SH3PXD2B: variants seen among roughly 807,000 people sequenced by gnomAD.
The protein encoded by SH3PXD2B is SH3 and PX domain-containing protein 2B.
Under a neutral mutation model 73.1 loss-of-function variants are expected in SH3PXD2B, and 37 were observed. That is an observed-to-expected ratio of 0.51 (90% CI 0.39 to 0.67). SH3PXD2B has a LOEUF of 0.67. Ranked by LOEUF, SH3PXD2B falls within the 30% of genes least tolerant of loss-of-function variation. SH3PXD2B has a pLI of 0.00. For synonymous variants in SH3PXD2B, 457 were observed against 480.5 expected, an observed-to-expected ratio of 0.95 and a Z score of 0.64; for missense variants, 1,053 against 1,197.8, an observed-to-expected ratio of 0.88 and a Z score of 1.78.
At chr5:172,365,977 G>GT (rs1319837377) in intron 6 of SH3PXD2B, among the ~76,000 whole-genome samples, 1 of 152,184 alleles carries the variant, frequency 6.6e-6, no homozygotes, top group African/African-American at 2.4e-5. Context: ...GCTGGACCAG[G>GT]TAAGTGTGTT....
chr5:172,341,499 T>C (rs1756848654), intron 12 of SH3PXD2B, among the ~76,000 whole-genome samples: 1 of 152,300 alleles, frequency 6.6e-6, no homozygotes, highest in Non-Finnish European at 1.5e-5. Flanking sequence ...CTATGTGATG[T>C]GCCTACTCCT....
At chr5:172,412,828 C>A (rs1018661278) in intron 2 of SH3PXD2B, among the ~76,000 whole-genome samples, 3 of 152,130 alleles carry the variant, frequency 2.0e-5, no homozygotes, top group Non-Finnish European at 4.4e-5. Flanking sequence ...CCCCAGATAA[C>A]AAAAGAAGTG....
chr5:172,418,487 G>A (rs1232660129), intron 2 of SH3PXD2B, among the ~76,000 whole-genome samples: 1 of 152,146 alleles, frequency 6.6e-6, no homozygotes, highest in East Asian at 1.9e-4. Context: ...CTCTCCCCAC[G>A]CTGTTTGGGC....
At position 172,390,858 on chromosome 5, in the gene SH3PXD2B, T is replaced by TGTGA. The variant is rs1367428801; in HGVS notation, c.309+3701_309+3704dup. 6.6e-5 allele frequency among the ~76,000 whole-genome samples: 9 copies of TGTGA among 137,180 alleles called. No individual in the cohort carries two copies. In the East Asian group the frequency reaches 1.8e-3, roughly 28 times the overall value. The allele number at this position is 137,180 out of a possible 152,430, so 90.0% of individuals were successfully genotyped here. On this transcript the variant is annotated intron_variant, in intron 4 of 12. Coordinates refer to ENST00000311601, the MANE Select transcript of SH3PXD2B (RefSeq NM_001017995.3). ...GTGTGTGTGTGTGTGTGTGTGTGTG[T>TGTGA]GTGACAGAGTTTTGCCCTTGTTGCC...
intron 5 of SH3PXD2B, among the ~76,000 whole-genome samples, chr5:172,376,381 A>G (rs999321953): frequency 4.6e-5 from 7 of 152,064 alleles, no homozygotes; most frequent in Non-Finnish European, 8.8e-5. Flanking sequence ...GGATCTAATG[A>G]TATTTCACTG....
At chr5:172,327,951 C>A (rs1561883771) in intron 12 of SH3PXD2B, among the ~76,000 whole-genome samples, 1 of 152,020 alleles carries the variant, frequency 6.6e-6, no homozygotes, top group Non-Finnish European at 1.5e-5. Flanking sequence ...GATGGGGTTT[C>A]ACCATGTTGG....
At position 172,378,792 on chromosome 5, in the gene SH3PXD2B, C is replaced by A. The variant is rs530049852; in HGVS notation, c.401+3244G>T. Among the ~76,000 whole-genome samples the A allele has an allele frequency of 8.5e-5, 13 of 152,226 alleles. No homozygotes were observed. In the East Asian group the frequency reaches 2.5e-3, roughly 29 times the overall value. ...CAGCTTGAAAGTGGCTCCTATAGGC[C>A]GGGCATGGTGGCTCATGCCTGTAAT... On this transcript the variant is annotated intron_variant, in intron 5 of 12. Transcript: ENST00000311601.
chr5:172,446,836 T>C (rs1241167480), intron 1 of SH3PXD2B, among the ~76,000 whole-genome samples: 1 of 152,240 alleles, frequency 6.6e-6, no homozygotes, highest in African/African-American at 2.4e-5. Flanking sequence ...GGGCCTGGAC[T>C]TGCTGAGCAA....
chr5:172,364,192 A>G (rs1757458596), intron 6 of SH3PXD2B, among the ~76,000 whole-genome samples: 1 of 152,196 alleles, frequency 6.6e-6, no homozygotes, highest in South Asian at 2.1e-4. Context: ...GAGACCCCAG[A>G]GAGAAGCGGG....
At position 172,394,703 on chromosome 5, in the gene SH3PXD2B, G is replaced by C. The variant is rs1758257780; in HGVS notation, c.233-64C>G. 3.8e-5 allele frequency: 59 copies of C among 1,568,800 alleles called. No homozygotes were observed. The South Asian group carries it at 6.2e-4, about 16-fold the overall frequency. On this transcript the variant is annotated intron_variant, in intron 3 of 12. Transcript: ENST00000311601. Reference sequence around the variant, plus strand: ...CAGGGACAAGCTCTCAGCAACCTGAGAGGGTGTGGACATGGCGGTTCCTAG... The same window carrying C: ...CAGGGACAAGCTCTCAGCAACCTGACAGGGTGTGGACATGGCGGTTCCTAG...
At chr5:172,347,212 T>C in intron 11 of SH3PXD2B, 71 bp downstream of exon 11, 1 of 1,467,980 alleles carries the variant, frequency 6.8e-7, no homozygotes, top group African/African-American at 1.4e-5. Flanking sequence ...GAGGGGTGTG[T>C]GAGGGGCTAG....
intron 2 of SH3PXD2B, among the ~76,000 whole-genome samples, chr5:172,409,823 C>A (rs1758650688): frequency 6.6e-6 from 1 of 152,236 alleles, no homozygotes; most frequent in East Asian, 1.9e-4. Context: ...TCAAGCGATT[C>A]TCCTGCCTCA....
chr5:172,350,267 G>A, intron 10 of SH3PXD2B, 96 bp downstream of exon 10: 2 of 1,222,876 alleles, frequency 1.6e-6, no homozygotes, highest in Non-Finnish European at 2.3e-6. Flanking sequence ...GAGCAGCTGG[G>A]CTGCTGTGAG....
At chr5:172,368,103 T>C (rs140862488) in intron 6 of SH3PXD2B, among the ~76,000 whole-genome samples, 21 of 152,258 alleles carry the variant, frequency 1.4e-4, no homozygotes, top group African/African-American at 5.1e-4. Context: ...GCAAAGCCTG[T>C]TTCTACTGCA....
chr5:172,366,931 C>CCTTTTTTTTTTT (rs1226783777), intron 6 of SH3PXD2B, among the ~76,000 whole-genome samples: 2 of 69,682 alleles, frequency 2.9e-5, no homozygotes, highest in Non-Finnish European at 5.6e-5. Context: ...CGTGCCCGGC[C>CCTTTTTTTTTTT]ATTTTTTTTT....
chr5:172,391,514 G>A (rs1237519561), intron 4 of SH3PXD2B, among the ~76,000 whole-genome samples: 3 of 152,190 alleles, frequency 2.0e-5, no homozygotes, highest in African/African-American at 7.2e-5. Flanking sequence ...CCAGGCTGGA[G>A]TGCAGTGGCA....
At chr5:172,374,900 C>T (rs763811569) in intron 5 of SH3PXD2B, among the ~76,000 whole-genome samples, 4 of 152,168 alleles carry the variant, frequency 2.6e-5, no homozygotes, top group East Asian at 1.9e-4. Flanking sequence ...ATACTCACAA[C>T]GATCCCAGGA....
chr5:172,439,477 A>G (rs1219384771), intron 1 of SH3PXD2B, among the ~76,000 whole-genome samples: 2 of 152,072 alleles, frequency 1.3e-5, no homozygotes, highest in Non-Finnish European at 2.9e-5. Flanking sequence ...GCGCTAATGC[A>G]TGTCAGGTGC....
intron 2 of SH3PXD2B, among the ~76,000 whole-genome samples, chr5:172,410,302 A>G (rs185826710): frequency 2.6e-5 from 4 of 152,272 alleles, no homozygotes; most frequent in Admixed American, 2.0e-4. Context: ...CCTTGCCAGT[A>G]TTTTAAACAT....
Sources: gnomAD v4.1 joint callset for allele counts (sites outside exome capture counted in the v4.1 genomes callset) on GRCh38, gnomAD v4.1.1 for gene constraint, MANE v1.5 for transcripts, NCBI Gene and HGNC (gene_info 2026-07-23, HGNC 2026-07-21) for gene names.